The following SLC13A3 variants were observed in gnomAD, a reference collection of about 807,000 sequenced individuals.
The protein encoded by SLC13A3 is Na(+)/dicarboxylate cotransporter 3.
A neutral mutation model predicts 59.0 loss-of-function variants in SLC13A3; 40 were observed. The observed-to-expected ratio is 0.68, with a 90% CI of 0.53 to 0.88. The LOEUF is 0.88. SLC13A3 is among the 40% of genes least tolerant of loss of function. The probability of loss-of-function intolerance (pLI) is 0.00; values close to 1 mark genes in which losing one functional copy is unlikely to be tolerated. For missense variants in SLC13A3, 699 were observed against 783.2 expected, an observed-to-expected ratio of 0.89 and a Z score of 1.28; for synonymous variants, 317 against 330.3, an observed-to-expected ratio of 0.96 and a Z score of 0.44.
chr20:46,662,653 T>C (rs756106174), intron 1 of SLC13A3, among the ~76,000 whole-genome samples: 8 of 152,226 alleles, frequency 5.3e-5, no homozygotes, highest in Non-Finnish European at 1.0e-4. Flanking sequence ...CTGAATCATC[T>C]TGAAATATAC....
At chr20:46,660,637 C>T (rs970674901) in intron 1 of SLC13A3, among the ~76,000 whole-genome samples, 3 of 152,104 alleles carry the variant, frequency 2.0e-5, no homozygotes, top group African/African-American at 4.8e-5. Context: ...TTTATTTACT[C>T]GGAGTTTGCT....
chr20:46,587,730 C>CTTAGCACATAATAGGTTCTCA (rs1459655576), intron 8 of SLC13A3, among the ~76,000 whole-genome samples: 1 of 152,178 alleles, frequency 6.6e-6, no homozygotes, highest in Non-Finnish European at 1.5e-5. Context: ...CAGCATCCAG[C>CTTAGCACATAATAGGTTCTCA]TTAGCACATA....
chr20:46,622,720 C>T (rs1239469155), intron 1 of SLC13A3, among the ~76,000 whole-genome samples: 5 of 150,992 alleles, frequency 3.3e-5, no homozygotes, highest in Admixed American at 2.6e-4. Flanking sequence ...GGCAATATAG[C>T]TTCCCTGCTA....
intron 1 of SLC13A3, among the ~76,000 whole-genome samples, chr20:46,660,350 C>T (rs988822389): frequency 6.6e-6 from 1 of 152,156 alleles, no homozygotes; most frequent in Admixed American, 6.5e-5. Flanking sequence ...GTTACTTTCA[C>T]CAGATATAGA....
Position 46,566,270 on chromosome 20 carries a change from T to A in SLC13A3, c.1453A>T (p.Thr485Ser), listed in dbSNP as rs201560974. 6.2e-7 allele frequency: 1 copy of A among 1,613,746 alleles called. No homozygotes were observed. Residue 485 changes from threonine (T) to serine (S), a missense_variant, in exon 11 of 13, where the codon ACG becomes TCG. Coordinates refer to ENST00000279027, the MANE Select transcript of SLC13A3 (RefSeq NM_022829.6). ...GGCAGGAAGATGATGATGGTCGCCG[T>A]GTTGCTGGCAAACTCAGTGAAGAAG... ...IAFFTEFASN[T>S]ATIIIFLPVL...
intron 1 of SLC13A3, among the ~76,000 whole-genome samples, chr20:46,659,661 A>C (rs1354734708): frequency 6.6e-6 from 1 of 150,606 alleles, no homozygotes; most frequent in East Asian, 2.0e-4. Context: ...GGTTGCAGTG[A>C]GCTGAGATCA....
intron 1 of SLC13A3, among the ~76,000 whole-genome samples, chr20:46,643,356 AG>A (rs2062863101): frequency 1.3e-5 from 2 of 152,338 alleles, no homozygotes; most frequent in East Asian, 3.9e-4. Flanking sequence ...AGATAGGGGC[AG>A]GGACGGCCTT....
chr20:46,630,259 C>T (rs1198136606), intron 1 of SLC13A3, among the ~76,000 whole-genome samples: 2 of 152,212 alleles, frequency 1.3e-5, no homozygotes, highest in Non-Finnish European at 2.9e-5. Flanking sequence ...TGATCACTAT[C>T]CACAATCTCT....
intron 3 of SLC13A3, among the ~76,000 whole-genome samples, chr20:46,606,670 C>G (rs749631018): frequency 6.6e-6 from 1 of 152,182 alleles, no homozygotes; most frequent in Non-Finnish European, 1.5e-5. Flanking sequence ...CCACTGCACT[C>G]CAGCCTAGGA....
chr20:46,566,256 G>C lies in SLC13A3; in HGVS notation c.1467C>G (p.Ile489Met). ...TEFASNTATI[I>M]IFLPVLAELA... Reference sequence around the variant, plus strand: ...GCTCTGCCAGGACCGGCAGGAAGATGATGATGGTCGCCGTGTTGCTGGCAA... The same window carrying C: ...GCTCTGCCAGGACCGGCAGGAAGATCATGATGGTCGCCGTGTTGCTGGCAA... Residue 489 changes from isoleucine to methionine, a missense_variant, in exon 11 of 13, where the codon ATC becomes ATG. Coordinates refer to ENST00000279027, the MANE Select transcript of SLC13A3 (RefSeq NM_022829.6). The C allele has an allele frequency of 6.2e-7, 1 of 1,613,712 alleles. No individual in the cohort carries two copies. Among genetic ancestry groups the C allele is most frequent in the Non-Finnish European group, 8.5e-7 (1 of 1,179,706 alleles).
At chr20:46,660,325 G>C (rs772120534) in intron 1 of SLC13A3, among the ~76,000 whole-genome samples, 6 of 152,006 alleles carry the variant, frequency 3.9e-5, no homozygotes, top group Non-Finnish European at 8.8e-5. Context: ...CTTTATTTTT[G>C]CTTTTGTTTT....
chr20:46,604,023 C>T (rs1423356228), intron 3 of SLC13A3, among the ~76,000 whole-genome samples: 3 of 149,642 alleles, frequency 2.0e-5, no homozygotes, highest in African/African-American at 7.4e-5. Context: ...AAGAATTTAA[C>T]AGGAAGCTGA....
chr20:46,656,863 G>A (rs531220238), intron 1 of SLC13A3, among the ~76,000 whole-genome samples: 3 of 151,898 alleles, frequency 2.0e-5, no homozygotes, highest in South Asian at 2.1e-4. Flanking sequence ...TCCATGTCCC[G>A]GTTCACTGAT....
At chr20:46,640,802 G>A (rs753970788) in intron 1 of SLC13A3, among the ~76,000 whole-genome samples, 10 of 152,178 alleles carry the variant, frequency 6.6e-5, no homozygotes, top group Admixed American at 5.9e-4. Flanking sequence ...TGCTGACTTC[G>A]TGTCTTCAAG....
intron 12 of SLC13A3, 93 bp downstream of exon 12, chr20:46,563,321 G>A: frequency 7.0e-7 from 1 of 1,427,062 alleles, no homozygotes. Flanking sequence ...GGGGAGTGGG[G>A]TCAGCGTGCA....
intron 1 of SLC13A3, among the ~76,000 whole-genome samples, chr20:46,628,893 G>A (rs1221161373): frequency 2.0e-5 from 3 of 152,238 alleles, no homozygotes; most frequent in Non-Finnish European, 4.4e-5. Context: ...CAAGGGCCAG[G>A]AAGCCTGGGG....
intron 1 of SLC13A3, among the ~76,000 whole-genome samples, chr20:46,639,198 C>T: frequency 7.7e-6 from 1 of 130,490 alleles, no homozygotes; most frequent in Admixed American, 9.2e-5. Flanking sequence ...AATCCTAGCA[C>T]TTTGGGAGGT....
intron 2 of SLC13A3, among the ~76,000 whole-genome samples, chr20:46,610,956 C>G (rs977456669): frequency 1.3e-5 from 2 of 152,014 alleles, no homozygotes; most frequent in Admixed American, 6.6e-5. Flanking sequence ...TCAGCTTCCT[C>G]CCTCTTTTCC....
chr20:46,609,609 G>A, intron 3 of SLC13A3, among the ~76,000 whole-genome samples: 1 of 152,056 alleles, frequency 6.6e-6, no homozygotes, highest in East Asian at 1.9e-4. Flanking sequence ...TGTATTTTCA[G>A]CTTACATATT....
Sources: allele counts gnomAD v4.1 joint callset (sites outside exome capture counted in the v4.1 genomes callset), GRCh38; gene constraint gnomAD v4.1.1; transcripts MANE v1.5; gene names NCBI Gene and HGNC (gene_info 2026-07-23, HGNC 2026-07-21).